SLC11A2: variants seen among roughly 807,000 people sequenced by gnomAD.
SLC11A2 encodes the protein natural resistance-associated macrophage protein 2.
In SLC11A2, 38 loss-of-function variants were observed where a neutral mutation model predicts 68.0. The observed-to-expected ratio is 0.56, with a 90% confidence interval of 0.43 to 0.73. The LOEUF (loss-of-function observed/expected upper bound fraction) is 0.73. SLC11A2 is among the 30% of genes least tolerant of loss of function. The probability of loss-of-function intolerance (pLI) is 0.00; values close to 1 mark genes in which losing one functional copy is unlikely to be tolerated. For missense variants in SLC11A2, 517 were observed against 690.5 expected, an observed-to-expected ratio of 0.75 and a Z score of 2.82; for synonymous variants, 242 against 250.6, an observed-to-expected ratio of 0.97 and a Z score of 0.32.
At chr12:50,970,336 T>C in the SLC11A2 span, 5 of 712,024 alleles carry the variant, frequency 7.0e-6, no homozygotes, top group African/African-American at 7.2e-5. Flanking sequence ...CCTTTGTTTG[T>C]TTCTGTTTAA....
chr12:51,010,786 G>A lies in SLC11A2; in HGVS notation c.-38-20C>T. 1 of 1,475,914 alleles carries A rather than the reference G, an allele frequency of 6.8e-7. No homozygotes were observed. Among genetic ancestry groups the A allele is most frequent in the Non-Finnish European group, 9.4e-7 (1 of 1,059,142 alleles). 91.4% of individuals were successfully genotyped at this position (1,475,914 alleles called of 1,614,324 possible). ...ATGATTCTGGAAAGGAGAAAAGTGA[G>A]GGAGAAGAATTAGGAAGAACAAACT... On this transcript the variant is annotated intron_variant, in intron 1 of 15. Coordinates refer to ENST00000262052, the MANE Select transcript of SLC11A2 (RefSeq NM_000617.3).
chr12:50,977,402 T>A (rs565854992), downstream of SLC11A2, among the ~76,000 whole-genome samples: 1 of 152,348 alleles, frequency 6.6e-6, no homozygotes, highest in East Asian at 1.9e-4. Flanking sequence ...GGGAAAGGAT[T>A]CCCTATTTAA....
chr12:50,982,231 A>G (rs1940086052), downstream of SLC11A2, among the ~76,000 whole-genome samples: 1 of 152,196 alleles, frequency 6.6e-6, no homozygotes, highest in African/African-American at 2.4e-5. Flanking sequence ...TTTCATTTAA[A>G]AAACAAAAAC....
chr12:50,994,017 AGC>A (rs1941458299), intron 11 of SLC11A2, among the ~76,000 whole-genome samples: 4 of 119,774 alleles, frequency 3.3e-5, no homozygotes, highest in Non-Finnish European at 7.1e-5. Flanking sequence ...AAAAAAAAAA[AGC>A]TGGGGTGTAT....
intron 1 of SLC11A2, among the ~76,000 whole-genome samples, chr12:51,019,260 T>A (rs1035016427): frequency 2.7e-4 from 41 of 152,298 alleles, no homozygotes; most frequent in African/African-American, 4.1e-4. Flanking sequence ...TCTCATTTTT[T>A]AAAAAAATTA....
chr12:50,986,720 T>C lies in SLC11A2; in HGVS notation c.*1605A>G, dbSNP rs1940601746. On this transcript the variant is annotated 3_prime_UTR_variant, in exon 16 of 16. Transcript: ENST00000262052. ...AAGAGGCAGATATGAAGAGGAATGG[T>C]TAGGGGAATTGTCATTCATAACTCT... 1 of 1,286,934 alleles carries C rather than the reference T, an allele frequency of 7.8e-7. No individual in the cohort carries two copies. Among genetic ancestry groups the C allele is most frequent in the African/African-American group, 1.5e-5 (1 of 65,742 alleles). 79.7% of individuals were successfully genotyped at this position (1,286,934 alleles called of 1,614,324 possible). A position where few individuals can be genotyped will look rare whatever the true frequency, so the allele number is the denominator to read the frequency against.
At chr12:50,961,872 T>C in the SLC11A2 span, among the ~76,000 whole-genome samples, 6 of 152,304 alleles carry the variant, frequency 3.9e-5, no homozygotes, top group South Asian at 1.2e-3. Context: ...GTAATAATCT[T>C]ATTACTGTGA....
intron 1 of SLC11A2, among the ~76,000 whole-genome samples, chr12:51,018,543 C>T (rs1943822931): frequency 6.6e-6 from 1 of 151,312 alleles, no homozygotes; most frequent in Non-Finnish European, 1.5e-5. Flanking sequence ...GCCTGTAATC[C>T]TAGCATTTTG....
At chr12:51,003,266 G>A (rs1040715507) in intron 5 of SLC11A2, among the ~76,000 whole-genome samples, 7 of 150,240 alleles carry the variant, frequency 4.7e-5, no homozygotes, top group Admixed American at 1.3e-4. Flanking sequence ...GGCTGGGCAC[G>A]GTGGCTCATG....
intron 1 of SLC11A2, among the ~76,000 whole-genome samples, chr12:51,018,753 A>G (rs1276234444): frequency 6.6e-6 from 1 of 152,192 alleles, no homozygotes; most frequent in Non-Finnish European, 1.5e-5. Context: ...ACAGAGCAAG[A>G]CCCTGTCTGT....
rs1392562550 is a variant in SLC11A2, at chr12:50,991,372, T to C, written c.1421+227A>G. On this transcript the variant is annotated intron_variant, in intron 14 of 15. Transcript: ENST00000262052. Reference sequence around the variant, plus strand: ...ACTTCAGTGGCTGAAGCTGAAGAGTTATGCTGTAAAAGCTGAACTTTCTCT... The same window carrying C: ...ACTTCAGTGGCTGAAGCTGAAGAGTCATGCTGTAAAAGCTGAACTTTCTCT... The C allele has an allele frequency of 2.4e-5, 14 of 584,734 alleles. No homozygotes were observed. In the Admixed American group the frequency reaches 3.3e-4, roughly 14 times the overall value. 36.2% of individuals were successfully genotyped at this position (584,734 alleles called of 1,614,324 possible).
At chr12:51,012,698 T>C (rs917628774) in intron 1 of SLC11A2, among the ~76,000 whole-genome samples, 17 of 152,232 alleles carry the variant, frequency 1.1e-4, no homozygotes, top group Non-Finnish European at 4.4e-5. Context: ...TTCTGGGGCA[T>C]ATATACCACC....
chr12:50,988,568 T>C, intron 15 of SLC11A2, 133 bp from the exon 16 acceptor site: 3 of 1,437,312 alleles, frequency 2.1e-6, no homozygotes, highest in Non-Finnish European at 2.8e-6. Context: ...CACCAAGGGT[T>C]GCACAAGTCA....
chr12:50,999,271 G>C, intron 7 of SLC11A2, 30 bp from the exon 8 acceptor site: 2 of 1,613,108 alleles, frequency 1.2e-6, no homozygotes, highest in Non-Finnish European at 1.7e-6. Flanking sequence ...AGTGAGCTCA[G>C]AGAAGGTAGA....
At chr12:51,028,169 CTACT>C, upstream of SLC11A2, 4 of 1,527,940 alleles carry the variant, frequency 2.6e-6, no homozygotes, top group Admixed American at 3.9e-5. Flanking sequence ...CTTCCCTGGG[CTACT>C]TACTTAGTTC....
intron 3 of SLC11A2, chr12:51,005,822 A>C: frequency 2.0e-6 from 1 of 509,872 alleles, no homozygotes; most frequent in Non-Finnish European, 3.2e-6. Flanking sequence ...CACTGAGGAG[A>C]GCAAACAAAA....
intron 1 of SLC11A2, 181 bp downstream of exon 1, chr12:51,026,129 A>G (rs1944367787): frequency 2.6e-5 from 29 of 1,097,254 alleles, no homozygotes; most frequent in Non-Finnish European, 3.1e-5. Context: ...CGACTCCATC[A>G]GTCCTGGACT....
the SLC11A2 span, among the ~76,000 whole-genome samples, chr12:50,970,992 A>T: frequency 6.6e-5 from 10 of 151,710 alleles, no homozygotes; most frequent in African/African-American, 2.4e-4. Context: ...GATTCTCCTG[A>T]CTCAGCCTCC....
intron 5 of SLC11A2, among the ~76,000 whole-genome samples, chr12:51,000,802 A>G (rs1942138674): frequency 6.6e-6 from 1 of 152,224 alleles, no homozygotes; most frequent in South Asian, 2.1e-4. Flanking sequence ...GGGTCAAGAA[A>G]GAATATTAAA....
Sources: allele counts gnomAD v4.1 joint callset (sites outside exome capture counted in the v4.1 genomes callset), GRCh38; gene constraint gnomAD v4.1.1; transcripts MANE v1.5; gene names NCBI Gene and HGNC (gene_info 2026-07-23, HGNC 2026-07-21).